The following PEAK1 variants were observed in gnomAD, a reference collection of about 807,000 sequenced individuals.
PEAK1 encodes the protein inactive tyrosine-protein kinase PEAK1.
Under a neutral mutation model 124.7 loss-of-function variants are expected in PEAK1, and 54 were observed. The observed-to-expected ratio is 0.43, with a 90% CI of 0.35 to 0.54. PEAK1 has a LOEUF of 0.54. Among genes scored for constraint, PEAK1 ranks in the 20% least tolerant of loss-of-function variants. The pLI is 0.01. For synonymous variants in PEAK1, 719 were observed against 760.0 expected, an observed-to-expected ratio of 0.95 and a Z score of 0.89; for missense variants, 2,046 against 2,134.5, an observed-to-expected ratio of 0.96 and a Z score of 0.82.
intron 6 of PEAK1, among the ~76,000 whole-genome samples, chr15:77,213,842 T>C (rs908178707): frequency 9.9e-5 from 15 of 152,232 alleles, no homozygotes; most frequent in Non-Finnish European, 2.1e-4. Context: ...ATTTTTATTA[T>C]TTGTATACAA....
At chr15:77,279,420 A>G (rs185477388) in intron 5 of PEAK1, among the ~76,000 whole-genome samples, 5 of 152,194 alleles carry the variant, frequency 3.3e-5, no homozygotes, top group Admixed American at 2.0e-4. Context: ...TTTAACCCAG[A>G]CATCTGCTGG....
At chr15:77,155,330 C>G (rs1192287307) in intron 8 of PEAK1, 1 of 152,240 alleles carries the variant, frequency 6.6e-6, no homozygotes, top group Non-Finnish European at 1.5e-5. Flanking sequence ...TAGCTTTCAG[C>G]TCCATCAGCT....
chr15:77,268,834 G>C (rs1196648187), intron 5 of PEAK1, among the ~76,000 whole-genome samples: 1 of 152,070 alleles, frequency 6.6e-6, no homozygotes, highest in Non-Finnish European at 1.5e-5. Context: ...AACCCTACAA[G>C]CTAGAAGGGA....
intron 6 of PEAK1, among the ~76,000 whole-genome samples, chr15:77,202,043 A>C (rs956826213): frequency 6.6e-6 from 1 of 152,192 alleles, no homozygotes; most frequent in Non-Finnish European, 1.5e-5. Context: ...CTAAGCTTTA[A>C]TATTAAAGCA....
At chr15:77,247,831 T>G (rs1197984406) in intron 6 of PEAK1, among the ~76,000 whole-genome samples, 2 of 152,148 alleles carry the variant, frequency 1.3e-5, no homozygotes, top group East Asian at 3.8e-4. Flanking sequence ...AAAACCTACT[T>G]TCATAATGCA....
intron 7 of PEAK1, among the ~76,000 whole-genome samples, chr15:77,177,144 T>C (rs1596477016): frequency 6.6e-6 from 1 of 152,094 alleles, no homozygotes. Context: ...TTAGTAGACA[T>C]GGGGTTTCAC....
intron 2 of PEAK1, among the ~76,000 whole-genome samples, chr15:77,342,159 A>T (rs1325237181): frequency 2.7e-4 from 8 of 30,154 alleles, no homozygotes; most frequent in Non-Finnish European, 7.9e-4. Flanking sequence ...ATTATGGTAA[A>T]AAAAAAAAAA....
intron 6 of PEAK1, among the ~76,000 whole-genome samples, chr15:77,251,083 A>T (rs1056716157): frequency 6.6e-6 from 1 of 152,204 alleles, no homozygotes; most frequent in Non-Finnish European, 1.5e-5. Flanking sequence ...CCCATTCACT[A>T]TCAAGACATA....
intron 2 of PEAK1, among the ~76,000 whole-genome samples, chr15:77,302,347 T>G (rs774278358): frequency 6.6e-6 from 1 of 152,220 alleles, no homozygotes; most frequent in Non-Finnish European, 1.5e-5. Context: ...TACATTAAGC[T>G]AAATGAGTTC....
intron 7 of PEAK1, among the ~76,000 whole-genome samples, chr15:77,169,426 C>T (rs1203377224): frequency 6.6e-6 from 1 of 152,176 alleles, no homozygotes; most frequent in African/African-American, 2.4e-5. Context: ...GCCCATTGGC[C>T]ATAGTTTTAA....
At chr15:77,138,877 ATTG>A (rs1398814731) in intron 8 of PEAK1, among the ~76,000 whole-genome samples, 1 of 151,156 alleles carries the variant, frequency 6.6e-6, no homozygotes, top group African/African-American at 2.4e-5. Context: ...AAAAAAAAAA[ATTG>A]TTTTTTCTTT....
At chr15:77,312,321 T>C (rs1239404581) in intron 2 of PEAK1, among the ~76,000 whole-genome samples, 1 of 152,246 alleles carries the variant, frequency 6.6e-6, no homozygotes, top group East Asian at 1.9e-4. Context: ...AATTATCCTA[T>C]TCTGTACATC....
Position 77,325,622 on chromosome 15 carries a change from C to G in PEAK1, c.-602-39118G>C, listed in dbSNP as rs565270432. Among the ~76,000 whole-genome samples, 16 of 151,990 alleles carry G rather than the reference C, an allele frequency of 1.1e-4. No homozygotes were observed. The South Asian group carries it at 3.3e-3, about 32-fold the overall frequency. On this transcript the variant is annotated intron_variant, in intron 2 of 9. Transcript: ENST00000682557. ...CCATTTTCTTGGCAAATGAAAGTTC[C>G]CAAGAGTAAGTGCTACCTTTCTATT...
intron 1 of PEAK1, among the ~76,000 whole-genome samples, chr15:77,393,165 G>C (rs2070619277): frequency 6.6e-6 from 1 of 152,156 alleles, no homozygotes; most frequent in African/African-American, 2.4e-5. Flanking sequence ...AGTGCTCTGG[G>C]GTTCTAAATA....
At chr15:77,331,050 T>C in intron 2 of PEAK1, 1 of 858,178 alleles carries the variant, frequency 1.2e-6, no homozygotes, top group Non-Finnish European at 1.4e-6. Flanking sequence ...GCATTCCTAA[T>C]TATTGCATAG....
chr15:77,173,327 T>A (rs2056638216), intron 7 of PEAK1, among the ~76,000 whole-genome samples: 1 of 152,188 alleles, frequency 6.6e-6, no homozygotes, highest in Non-Finnish European at 1.5e-5. Context: ...TTTAAAAAAT[T>A]TTAAATTAAC....
intron 8 of PEAK1, among the ~76,000 whole-genome samples, chr15:77,138,976 A>G (rs2053561317): frequency 6.6e-6 from 1 of 152,140 alleles, no homozygotes; most frequent in East Asian, 1.9e-4. Flanking sequence ...ACACAAACAC[A>G]CATATTACTA....
chr15:77,362,329 AATT>A (rs2067943803), intron 2 of PEAK1, among the ~76,000 whole-genome samples: 1 of 152,200 alleles, frequency 6.6e-6, no homozygotes, highest in African/African-American at 2.4e-5. Context: ...GAATATGTAC[AATT>A]ATTATTGTCA....
chr15:77,283,787 G>T, intron 5 of PEAK1, 96 bp downstream of exon 5: 1 of 447,498 alleles, frequency 2.2e-6, no homozygotes, highest in Non-Finnish European at 3.0e-6. Flanking sequence ...TAAACACAAG[G>T]ATATTAAAAG....
Sources: allele counts gnomAD v4.1 joint callset (sites outside exome capture counted in the v4.1 genomes callset), GRCh38; gene constraint gnomAD v4.1.1; transcripts MANE v1.5; gene names NCBI Gene and HGNC (gene_info 2026-07-23, HGNC 2026-07-21).